Variants in CDH13 observed in about 807,000 individuals in gnomAD.
The protein encoded by CDH13 is cadherin-13.
Under a neutral mutation model 63.8 loss-of-function variants are expected in CDH13, and 24 were observed. The observed-to-expected ratio is 0.38, with a 90% CI of 0.27 to 0.53. The LOEUF is 0.53. CDH13 is among the 20% of genes least tolerant of loss of function. The pLI, the probability that CDH13 is intolerant of heterozygous loss-of-function variation, is 0.85. For missense variants in CDH13, 1,049 were observed against 903.1 expected (o/e 1.16, Z -2.07); for synonymous variants, 503 against 355.3 (o/e 1.42, Z -4.67).
chr16:83,720,305 TCATGCACACA>T (rs142886033), intron 10 of CDH13, among the ~76,000 whole-genome samples: 23,175 of 151,956 alleles, frequency 0.15, 1,986 homozygotes, highest in Middle Eastern at 0.27. Flanking sequence ...ATACATGCAC[TCATGCACACA>T]CATGCACACA....
At chr16:83,422,411 A>G (rs1311310771) in intron 6 of CDH13, among the ~76,000 whole-genome samples, 4 of 152,360 alleles carry the variant, frequency 2.6e-5, no homozygotes, top group Middle Eastern at 3.4e-3. Flanking sequence ...TCTAAGTTGG[A>G]CACTGGTCTC....
At chr16:82,818,890 A>C (rs967923127) in intron 1 of CDH13, among the ~76,000 whole-genome samples, 1 of 152,222 alleles carries the variant, frequency 6.6e-6, no homozygotes, top group African/African-American at 2.4e-5. Flanking sequence ...GCTAACGGTA[A>C]AATGAGTTAT....
At chr16:83,365,635 G>C (rs2091244932) in intron 6 of CDH13, among the ~76,000 whole-genome samples, 1 of 152,188 alleles carries the variant, frequency 6.6e-6, no homozygotes, top group Non-Finnish European at 1.5e-5. Context: ...AAAACAAGGA[G>C]GTTACCCGGG....
chr16:83,267,109 G>A (rs1055143951), intron 5 of CDH13, among the ~76,000 whole-genome samples: 1 of 152,162 alleles, frequency 6.6e-6, no homozygotes, highest in Non-Finnish European at 1.5e-5. Flanking sequence ...CTGAAGTGCA[G>A]CAGAGACATG....
chr16:83,455,233 C>T (rs917825273), intron 6 of CDH13, among the ~76,000 whole-genome samples: 3 of 152,102 alleles, frequency 2.0e-5, no homozygotes, highest in Non-Finnish European at 2.9e-5. Flanking sequence ...ACAACTTGGA[C>T]CATGTGGAGT....
At chr16:83,315,502 C>G (rs947130768) in intron 5 of CDH13, among the ~76,000 whole-genome samples, 3 of 152,182 alleles carry the variant, frequency 2.0e-5, no homozygotes, top group African/African-American at 4.8e-5. Context: ...GAATGACTAA[C>G]TGGTGATGAT....
At position 82,791,395 on chromosome 16, in the gene CDH13, G is replaced by C. The variant is rs529049497; in HGVS notation, c.46-66967G>C. 2.6e-5 allele frequency among the ~76,000 whole-genome samples: 4 copies of C among 152,322 alleles called. No homozygotes were observed. In the East Asian group the frequency reaches 7.7e-4, roughly 29 times the overall value. The stretch of plus-strand genomic sequence containing the variant: ...TTAGGCTAAAGCAGGAGGTAAAGAA[G>C]TAGTCAAATCATATATCGCCTGAGA... On this transcript the variant is annotated intron_variant, in intron 1 of 13. Transcript: ENST00000567109.
chr16:83,703,943 A>G (rs1291986855), intron 10 of CDH13, among the ~76,000 whole-genome samples: 3 of 152,200 alleles, frequency 2.0e-5, no homozygotes, highest in African/African-American at 7.2e-5. Flanking sequence ...CTAAAACCTC[A>G]TCCAGATAAC....
At chr16:83,518,419 A>G (rs899815587) in intron 7 of CDH13, among the ~76,000 whole-genome samples, 8 of 150,454 alleles carry the variant, frequency 5.3e-5, no homozygotes, top group African/African-American at 2.0e-4. Flanking sequence ...TGCTGAGATT[A>G]CAGGTGTGAG....
At chr16:82,802,890 G>A (rs1223604142) in intron 1 of CDH13, among the ~76,000 whole-genome samples, 1 of 152,156 alleles carries the variant, frequency 6.6e-6, no homozygotes, top group African/African-American at 2.4e-5. Context: ...TTGCATGTGT[G>A]CTTTACCTTT....
intron 6 of CDH13, among the ~76,000 whole-genome samples, chr16:83,439,861 C>G (rs76474854): frequency 6.6e-6 from 1 of 152,158 alleles, no homozygotes; most frequent in Non-Finnish European, 1.5e-5. Context: ...GAGTAGAGTA[C>G]TGTCAATCCT....
At chr16:82,654,766 G>T (rs1231446506) in intron 1 of CDH13, among the ~76,000 whole-genome samples, 1 of 151,856 alleles carries the variant, frequency 6.6e-6, no homozygotes, top group African/African-American at 2.4e-5. Flanking sequence ...GAAGAGGTGG[G>T]TACAGAAAGG....
At chr16:83,183,819 G>A (rs1026648073) in intron 4 of CDH13, among the ~76,000 whole-genome samples, 1 of 152,182 alleles carries the variant, frequency 6.6e-6, no homozygotes, top group Admixed American at 6.5e-5. Flanking sequence ...GTTTTTTGAT[G>A]TTCAAAATGT....
chr16:82,768,722 G>C (rs921560353), intron 1 of CDH13, among the ~76,000 whole-genome samples: 1 of 152,180 alleles, frequency 6.6e-6, no homozygotes, highest in African/African-American at 2.4e-5. Context: ...TCCATTGGTT[G>C]AGGGATATTG....
chr16:82,913,903 AAC>A (rs368724809), intron 2 of CDH13, among the ~76,000 whole-genome samples: 11 of 152,120 alleles, frequency 7.2e-5, no homozygotes, highest in African/African-American at 2.7e-4. Flanking sequence ...ACTGCTGAGA[AAC>A]AGAGTGGTGC....
At chr16:82,899,637 A>G (rs550915583) in intron 2 of CDH13, among the ~76,000 whole-genome samples, 1 of 152,212 alleles carries the variant, frequency 6.6e-6, no homozygotes, top group East Asian at 1.9e-4. Context: ...TGGAGTATGC[A>G]TGGATTTGGC....
chr16:83,106,031 GT>G (rs2151611554), intron 3 of CDH13, among the ~76,000 whole-genome samples: 1 of 152,306 alleles, frequency 6.6e-6, no homozygotes, highest in Admixed American at 6.5e-5. Context: ...GATTAAATTT[GT>G]TTCCAGTGAT....
chr16:83,058,927 T>G (rs1027410016), intron 3 of CDH13, among the ~76,000 whole-genome samples: 1 of 152,164 alleles, frequency 6.6e-6, no homozygotes, highest in African/African-American at 2.4e-5. Flanking sequence ...TCTTAACTGG[T>G]GGAACCTCTT....
intron 5 of CDH13, among the ~76,000 whole-genome samples, chr16:83,297,963 C>G (rs919074861): frequency 1.3e-5 from 2 of 149,496 alleles, no homozygotes; most frequent in Non-Finnish European, 3.0e-5. Context: ...GTAATCACAG[C>G]ACTTTAGGAG....
Sources: gnomAD v4.1 joint callset for allele counts (sites outside exome capture counted in the v4.1 genomes callset) on GRCh38, gnomAD v4.1.1 for gene constraint, MANE v1.5 for transcripts, NCBI Gene and HGNC (gene_info 2026-07-23, HGNC 2026-07-21) for gene names.